RFTN1: variants seen among roughly 807,000 people sequenced by gnomAD.
RFTN1 encodes the protein raftlin, lipid raft linker 1.
In RFTN1, 26 loss-of-function variants were observed where a neutral mutation model predicts 46.5. The ratio of observed to expected loss-of-function variants is 0.56; its 90% confidence interval spans 0.41 to 0.78. The LOEUF (loss-of-function observed/expected upper bound fraction) is 0.78. Among genes scored for constraint, RFTN1 ranks in the 30% least tolerant of loss-of-function variants. The pLI is 0.00. For missense variants in RFTN1, 693 were observed against 718.7 expected (o/e 0.96, Z 0.41); for synonymous variants, 261 against 284.2 (o/e 0.92, Z 0.82).
rs1348466921 is a variant in RFTN1, at chr3:16,466,516, A to G, written c.145+27209T>C. ...GAGGATTCCTTCTGTTCTTTGATGA[A>G]CACTTAAGGCCGTTTCAGAGAAGCA... On this transcript the variant is annotated intron_variant, in intron 2 of 9. Transcript: ENST00000334133. This position sits in a 1 kb window ranked among gnomAD's most constrained non-coding sequence, Gnocchi z 5.6. Among the ~76,000 whole-genome samples the G allele has an allele frequency of 1.3e-5, 2 of 152,318 alleles. No individual in the cohort carries two copies. The highest frequency in any genetic ancestry group is 3.9e-4 in the East Asian group (2 of 5,186).
Position 16,424,501 on chromosome 3 carries a change from ACAAAG to A in RFTN1, c.332+9345_332+9349del. On this transcript the variant is annotated intron_variant, in intron 3 of 9. Coordinates refer to ENST00000334133, the MANE Select transcript of RFTN1 (RefSeq NM_015150.2). The surrounding 1 kb of genome is among the most constrained non-coding windows in gnomAD (Gnocchi z 4.7). Reference sequence around the variant, plus strand: ...ATTATAATACCGAAAACATACAGGAACAAAGCAAAGTGCTCTCAGACTCTCAGAAA... The same window carrying A: ...ATTATAATACCGAAAACATACAGGAACAAAGTGCTCTCAGACTCTCAGAAA... Among the ~76,000 whole-genome samples, 1 of 152,360 alleles carries A rather than the reference ACAAAG, an allele frequency of 6.6e-6. No homozygotes were observed. Among genetic ancestry groups the A allele is most frequent in the African/African-American group, 2.4e-5 (1 of 41,592 alleles).
In RFTN1 at chr3:16,410,386, G is replaced by T. The variant is rs1182975305; in HGVS notation, c.333-903C>A. 6.6e-6 allele frequency among the ~76,000 whole-genome samples: 1 copy of T among 152,044 alleles called. No individual in the cohort carries two copies. Among genetic ancestry groups the T allele is most frequent in the Non-Finnish European group, 1.5e-5 (1 of 68,018 alleles). On this transcript the variant is annotated intron_variant, in intron 3 of 9. Coordinates refer to ENST00000334133, the MANE Select transcript of RFTN1 (RefSeq NM_015150.2). The surrounding 1 kb of genome is among the most constrained non-coding windows in gnomAD (Gnocchi z 4.6). ...CCTGGGGAATGGGGAAGGCTTATGT[G>T]GATGGGGATGGGGATGGGTGGTGAT...
chr3:16,332,714 C>A (rs1432900537), intron 7 of RFTN1, among the ~76,000 whole-genome samples: 1 of 152,152 alleles, frequency 6.6e-6, no homozygotes, highest in Middle Eastern at 3.2e-3. Context: ...GTTGTAGCTT[C>A]CTTCATTTTG....
At chr3:16,358,776 T>C (rs1204612542) in intron 6 of RFTN1, among the ~76,000 whole-genome samples, 1 of 152,112 alleles carries the variant, frequency 6.6e-6, no homozygotes, top group Non-Finnish European at 1.5e-5. Flanking sequence ...CTCACACCTG[T>C]AATCCCAGCA....
Position 16,459,419 on chromosome 3 carries a change from G to A in RFTN1, c.146-25382C>T, listed in dbSNP as rs537333048. On this transcript the variant is annotated intron_variant, in intron 2 of 9. Transcript: ENST00000334133. This position sits in a 1 kb window ranked among gnomAD's most constrained non-coding sequence, Gnocchi z 4.2. Reference sequence around the variant, plus strand: ...TCCTAGCACTTTGGGAGGCTGAAGCGGGAGTCTCTACTTTAAAAATTTAAA... The same window carrying A: ...TCCTAGCACTTTGGGAGGCTGAAGCAGGAGTCTCTACTTTAAAAATTTAAA... 3.0e-4 allele frequency among the ~76,000 whole-genome samples: 45 copies of A among 152,146 alleles called. 1 individual carries two copies. Among genetic ancestry groups the A allele is most frequent in the African/African-American group, 8.7e-4 (36 of 41,482 alleles).
intron 6 of RFTN1, among the ~76,000 whole-genome samples, chr3:16,359,639 T>C (rs689691): frequency 0.42 from 64,468 of 152,060 alleles, 14,259 homozygotes; most frequent in Non-Finnish European, 0.49. Flanking sequence ...TGTGGGAACC[T>C]TGACCATGGA....
At chr3:16,333,974 G>C (rs904025752) in intron 7 of RFTN1, among the ~76,000 whole-genome samples, 3 of 152,120 alleles carry the variant, frequency 2.0e-5, no homozygotes, top group Non-Finnish European at 4.4e-5. Context: ...GACCATCCGG[G>C]CTAACACGGT....
At position 16,451,165 on chromosome 3, in the gene RFTN1, G is replaced by T. The variant is rs1388785886; in HGVS notation, c.146-17128C>A. Among the ~76,000 whole-genome samples, 1 of 152,158 alleles carries T rather than the reference G, an allele frequency of 6.6e-6. No individual in the cohort carries two copies. Among genetic ancestry groups the T allele is most frequent in the African/African-American group, 2.4e-5 (1 of 41,422 alleles). ...AACTCTCAATAGTTAGTGGCTGAGC[G>T]CAGATGGGCAGATCTGCAAAGGAGG... On this transcript the variant is annotated intron_variant, in intron 2 of 9. Coordinates refer to ENST00000334133, the MANE Select transcript of RFTN1 (RefSeq NM_015150.2). The surrounding 1 kb of genome is among the most constrained non-coding windows in gnomAD (Gnocchi z 4.2).
intron 4 of RFTN1, among the ~76,000 whole-genome samples, chr3:16,393,452 T>G (rs938211147): frequency 1.3e-5 from 2 of 152,180 alleles, no homozygotes; most frequent in African/African-American, 4.8e-5. Flanking sequence ...AGCCTGGATA[T>G]AACCTAGTGA....
intron 2 of RFTN1, among the ~76,000 whole-genome samples, chr3:16,464,257 C>T (rs1206854432): frequency 1.3e-5 from 2 of 152,262 alleles, no homozygotes; most frequent in East Asian, 3.9e-4. Context: ...ACATTCCGTC[C>T]AAGCAAAGCC....
intron 7 of RFTN1, chr3:16,339,960 T>G (rs780563966): frequency 2.0e-5 from 3 of 152,236 alleles, no homozygotes; most frequent in Non-Finnish European, 2.9e-5. Context: ...AGACATGAGT[T>G]TGCCACCAAA....
intron 8 of RFTN1, among the ~76,000 whole-genome samples, chr3:16,326,498 A>G (rs1559814743): frequency 6.6e-6 from 1 of 152,214 alleles, no homozygotes; most frequent in Non-Finnish European, 1.5e-5. Context: ...GGAGGCTCTG[A>G]GCCCTCTCAG....
At position 16,460,261 on chromosome 3, in the gene RFTN1, C is replaced by A. The variant is rs2075984420; in HGVS notation, c.146-26224G>T. Among the ~76,000 whole-genome samples, 1 of 152,118 alleles carries A rather than the reference C, an allele frequency of 6.6e-6. No homozygotes were observed. The highest frequency in any genetic ancestry group is 2.1e-4 in the South Asian group (1 of 4,814). On this transcript the variant is annotated intron_variant, in intron 2 of 9. Transcript: ENST00000334133. This position sits in a 1 kb window ranked among gnomAD's most constrained non-coding sequence, Gnocchi z 4.8. ...TATTTGTACATTTACTGGGATCTGG[C>A]AGGATGAGTTGCACATGGGTAGCAT...
Position 16,457,893 on chromosome 3 carries a change from G to C in RFTN1, c.146-23856C>G, listed in dbSNP as rs1277142663. The stretch of plus-strand genomic sequence containing the variant: ...CATGAGGGCTCAGCCCTTATGAGTG[G>C]ATTAATATCATTATAAAAGGGTTTC... On this transcript the variant is annotated intron_variant, in intron 2 of 9. Transcript: ENST00000334133. The surrounding 1 kb of genome is among the most constrained non-coding windows in gnomAD (Gnocchi z 4.2). Among the ~76,000 whole-genome samples, 1 of 152,124 alleles carries C rather than the reference G, an allele frequency of 6.6e-6. No homozygotes were observed. The highest frequency in any genetic ancestry group is 6.5e-5 in the Admixed American group (1 of 15,268).
chr3:16,496,705 A>G (rs908268977), intron 1 of RFTN1, among the ~76,000 whole-genome samples: 4 of 152,194 alleles, frequency 2.6e-5, no homozygotes, highest in Admixed American at 6.5e-5. Context: ...CTATCCTGTG[A>G]CCCGGAAATT....
Position 16,322,876 on chromosome 3 carries a change from TCACA to T in RFTN1, c.1332+496_1332+499del, listed in dbSNP as rs2069234245. On this transcript the variant is annotated intron_variant, in intron 9 of 9. Transcript: ENST00000334133. The surrounding 1 kb of genome is among the most constrained non-coding windows in gnomAD (Gnocchi z 6.2). ...AGGCTACAGCTAGCATCACCAGCTG[TCACA>T]CAGAGGCCTTTGGGTCTAGGCCTGT... Among the ~76,000 whole-genome samples the T allele has an allele frequency of 6.6e-6, 1 of 152,140 alleles. No homozygotes were observed. The highest frequency in any genetic ancestry group is 6.5e-5 in the Admixed American group (1 of 15,284).
Position 16,421,286 on chromosome 3 carries a change from GTCT to G in RFTN1, c.333-11806_333-11804del, listed in dbSNP as rs1032568801. On this transcript the variant is annotated intron_variant, in intron 3 of 9. Transcript: ENST00000334133. This position sits in a 1 kb window ranked among gnomAD's most constrained non-coding sequence, Gnocchi z 4.6. ...GGAACTATAACACACTTTTCAAAAAGTCTTCTTGATAATTCCAAATTTCTAAAT... is the reference window on the plus strand; with the variant it reads ...GGAACTATAACACACTTTTCAAAAAGTCTTGATAATTCCAAATTTCTAAAT... Among the ~76,000 whole-genome samples, 9 of 151,676 alleles carry G rather than the reference GTCT, an allele frequency of 5.9e-5. No homozygotes were observed. The highest frequency in any genetic ancestry group is 9.7e-5 in the African/African-American group (4 of 41,306).
At chr3:16,511,490 A>C (rs1029418049) in intron 1 of RFTN1, among the ~76,000 whole-genome samples, 1 of 152,146 alleles carries the variant, frequency 6.6e-6, no homozygotes, top group Admixed American at 6.5e-5. Flanking sequence ...ATTAGACTCT[A>C]GGTGTGTATA....
At chr3:16,319,924 C>T (rs1220893857) in intron 9 of RFTN1, among the ~76,000 whole-genome samples, 2 of 152,138 alleles carry the variant, frequency 1.3e-5, no homozygotes, top group Admixed American at 1.3e-4. Context: ...GGGGGAGTCT[C>T]TGAGCTTAAC....
Sources: allele counts gnomAD v4.1 joint callset (sites outside exome capture counted in the v4.1 genomes callset), GRCh38; gene constraint gnomAD v4.1.1; non-coding constraint Gnocchi (gnomAD v3.1); transcripts MANE v1.5; gene names NCBI Gene and HGNC (gene_info 2026-07-23, HGNC 2026-07-21).